The following CCDC102B variants were observed in gnomAD, a reference collection of about 807,000 sequenced individuals.
CCDC102B encodes the protein coiled-coil domain containing 102B, also known as coiled-coil domain-containing protein 102B.
Under a neutral mutation model 57.4 loss-of-function variants are expected in CCDC102B, and 75 were observed. The ratio of observed to expected loss-of-function variants is 1.31; its 90% CI spans 1.08 to 1.58. The LOEUF (loss-of-function observed/expected upper bound fraction) is 1.58, where lower values mean the gene tolerates loss of function less well. Among genes scored for constraint, CCDC102B ranks in the 40% most tolerant of loss-of-function variants. The pLI is 0.00. For synonymous variants in CCDC102B, 206 were observed against 201.9 expected, an observed-to-expected ratio of 1.02 and a Z score of -0.17; for missense variants, 636 against 582.6, an observed-to-expected ratio of 1.09 and a Z score of -0.94.
rs186925914 is a variant in CCDC102B, at chr18:69,024,544, T to C, written c.1434+13440T>C. On this transcript the variant is annotated intron_variant, in intron 7 of 7. Coordinates refer to ENST00000360242, the MANE Select transcript of CCDC102B (RefSeq NM_024781.3). ...ACATATTTAAAACTTTATAATTTGA[T>C]GCATTTCACACTTATTGACTCTAAA... 8.4e-3 allele frequency among the ~76,000 whole-genome samples: 1,280 copies of C among 152,200 alleles called. 11 individuals carry two copies. The highest frequency in any genetic ancestry group is 0.014 in the Non-Finnish European group (966 of 67,938).
chr18:68,851,169 A>G (rs1442267229), intron 4 of CCDC102B, among the ~76,000 whole-genome samples: 1 of 152,186 alleles, frequency 6.6e-6, no homozygotes, highest in Non-Finnish European at 1.5e-5. Flanking sequence ...AATAGCTATA[A>G]ATGCTTACCT....
chr18:68,869,637 A>T (rs937352260), intron 4 of CCDC102B, among the ~76,000 whole-genome samples: 2 of 152,180 alleles, frequency 1.3e-5, no homozygotes, highest in Non-Finnish European at 2.9e-5. Context: ...TGTCAGATGG[A>T]TAGATTGCAA....
chr18:69,039,413 A>C (rs1453741118), intron 7 of CCDC102B, among the ~76,000 whole-genome samples: 1 of 151,910 alleles, frequency 6.6e-6, no homozygotes, highest in Non-Finnish European at 1.5e-5. Context: ...TCATGTGTGC[A>C]TTGTTATTTT....
At chr18:69,049,493 A>G (rs185229152) in intron 7 of CCDC102B, among the ~76,000 whole-genome samples, 174 of 152,278 alleles carry the variant, frequency 1.1e-3, no homozygotes, top group African/African-American at 3.7e-3. Flanking sequence ...GAAGCTGAGC[A>G]TATGTGGAAA....
chr18:69,015,224 T>C (rs571855104), intron 7 of CCDC102B, among the ~76,000 whole-genome samples: 1 of 152,320 alleles, frequency 6.6e-6, no homozygotes, highest in South Asian at 2.1e-4. Flanking sequence ...AAATATATGT[T>C]TAACACACAA....
chr18:68,978,635 C>A (rs898778518), intron 6 of CCDC102B, among the ~76,000 whole-genome samples: 2 of 151,872 alleles, frequency 1.3e-5, no homozygotes, highest in Non-Finnish European at 2.9e-5. Context: ...TTTTCCCAGT[C>A]AGAATTTACA....
chr18:68,788,824 T>C (rs2035314500), intron 2 of CCDC102B, among the ~76,000 whole-genome samples: 1 of 152,146 alleles, frequency 6.6e-6, no homozygotes, highest in Non-Finnish European at 1.5e-5. Flanking sequence ...ATTTACTCCA[T>C]TGACATTTAA....
At chr18:68,829,235 T>A (rs536642223) in intron 1 of CCDC102B, among the ~76,000 whole-genome samples, 33 of 152,158 alleles carry the variant, frequency 2.2e-4, no homozygotes, top group African/African-American at 7.7e-4. Flanking sequence ...AAGTTTAACA[T>A]ATGATATCAT....
chr18:68,791,633 T>C (rs1205192167), intron 2 of CCDC102B, among the ~76,000 whole-genome samples: 2 of 61,832 alleles, frequency 3.2e-5, no homozygotes, highest in African/African-American at 8.0e-5. Flanking sequence ...TATGTGTGTG[T>C]GTGTGTATGT....
chr18:68,838,637 T>G, intron 2 of CCDC102B, 69 bp from the exon 3 acceptor site: 2 of 1,554,830 alleles, frequency 1.3e-6, no homozygotes. Flanking sequence ...TATTTCTTTA[T>G]GAAAATGTTT....
intron 5 of CCDC102B, among the ~76,000 whole-genome samples, chr18:68,895,752 G>A (rs2040220525): frequency 6.6e-6 from 1 of 151,642 alleles, no homozygotes; most frequent in South Asian, 2.1e-4. Context: ...AATTTTACTA[G>A]TAAGAAAACT....
At position 68,838,903 on chromosome 18, in the gene CCDC102B, A is replaced by G. The variant is rs989489588; in HGVS notation, c.804A>G (p.Gln268=). ...TGCAGGTGCATTTGGATGAATTCCA[A>G]AAAATCTTATGGAAGGAAAGAGAGT... is the stretch of plus-strand genomic sequence containing the variant. ...SALQVHLDEF[Q]KILWKEREMR... is the part of the protein sequence containing the mutation. Residue 268 remains glutamine, a synonymous_variant, in exon 3 of 8, where the codon CAA becomes CAG. Coordinates refer to ENST00000360242, the MANE Select transcript of CCDC102B (RefSeq NM_024781.3). The G allele has an allele frequency of 1.2e-6, 2 of 1,613,852 alleles. No individual in the cohort carries two copies.
At chr18:68,798,880 T>C (rs1022879565) in intron 1 of CCDC102B, among the ~76,000 whole-genome samples, 3 of 152,090 alleles carry the variant, frequency 2.0e-5, no homozygotes, top group Non-Finnish European at 2.9e-5. Context: ...TCTGCAAAGA[T>C]AAATTATCAA....
At chr18:68,771,613 G>C (rs989548232) in intron 2 of CCDC102B, among the ~76,000 whole-genome samples, 2 of 152,182 alleles carry the variant, frequency 1.3e-5, no homozygotes, top group African/African-American at 4.8e-5. Flanking sequence ...CCACTTCTCT[G>C]TAAGCGAGGA....
At chr18:68,946,398 A>G (rs1255389318) in intron 6 of CCDC102B, among the ~76,000 whole-genome samples, 2 of 152,036 alleles carry the variant, frequency 1.3e-5, no homozygotes, top group Admixed American at 6.6e-5. Flanking sequence ...CATATGATCT[A>G]TAGTGTGTGA....
intron 4 of CCDC102B, among the ~76,000 whole-genome samples, chr18:68,872,557 T>C (rs1441688440): frequency 2.0e-5 from 3 of 152,072 alleles, no homozygotes; most frequent in African/African-American, 7.2e-5. Flanking sequence ...GTTTTTTAAC[T>C]AATATTCTCT....
intron 7 of CCDC102B, among the ~76,000 whole-genome samples, chr18:69,033,715 C>T (rs1430998120): frequency 6.6e-6 from 1 of 150,604 alleles, no homozygotes; most frequent in East Asian, 1.9e-4. Flanking sequence ...TTTTTTTTTC[C>T]CTTGGGATTG....
intron 6 of CCDC102B, among the ~76,000 whole-genome samples, chr18:68,988,562 A>T (rs2050783658): frequency 2.7e-5 from 4 of 147,110 alleles, no homozygotes; most frequent in Admixed American, 6.6e-5. Flanking sequence ...ATTACAAAAA[A>T]AAACAAAAAA....
intron 2 of CCDC102B, among the ~76,000 whole-genome samples, chr18:68,789,698 T>TC (rs2144655757): frequency 6.9e-6 from 1 of 145,920 alleles, no homozygotes; most frequent in African/African-American, 2.6e-5. Context: ...TTTAAGCACT[T>TC]CTCTGTATTG....
Sources: allele counts gnomAD v4.1 joint callset (sites outside exome capture counted in the v4.1 genomes callset), GRCh38; gene constraint gnomAD v4.1.1; transcripts MANE v1.5; gene names NCBI Gene and HGNC (gene_info 2026-07-23, HGNC 2026-07-21).